The following CALN1 variants were observed in gnomAD, a reference collection of about 807,000 sequenced individuals.
CALN1 encodes the protein calcium-binding protein 8.
CALN1 carries 17 observed loss-of-function variants against 30.6 expected under a neutral mutation model. That is an observed-to-expected ratio of 0.56 (90% CI 0.38 to 0.83). The LOEUF (loss-of-function observed/expected upper bound fraction) is 0.83, where lower values mean the gene tolerates loss of function less well. Ranked by LOEUF, CALN1 falls within the 40% of genes least tolerant of loss-of-function variation. The pLI, the probability that CALN1 is intolerant of heterozygous loss-of-function variation, is 0.00. For synonymous variants in CALN1, 156 were observed against 131.4 expected, an observed-to-expected ratio of 1.19 and a Z score of -1.28; for missense variants, 291 against 354.9, an observed-to-expected ratio of 0.82 and a Z score of 1.45.
At chr7:71,868,620 C>T (rs1161944759) in intron 5 of CALN1, among the ~76,000 whole-genome samples, 9 of 151,984 alleles carry the variant, frequency 5.9e-5, no homozygotes, top group African/African-American at 1.7e-4. Context: ...TATCCATCTG[C>T]CTCAGCCTCC....
intron 3 of CALN1, among the ~76,000 whole-genome samples, chr7:72,180,145 G>A (rs1437272552): frequency 5.3e-5 from 8 of 150,710 alleles, no homozygotes; most frequent in African/African-American, 1.7e-4. Flanking sequence ...AGAAGCCCAC[G>A]GGGTATCATT....
At chr7:72,210,745 C>T (rs955822866) in intron 3 of CALN1, among the ~76,000 whole-genome samples, 2 of 151,956 alleles carry the variant, frequency 1.3e-5, no homozygotes, top group Non-Finnish European at 1.5e-5. Flanking sequence ...TCCCTTGACA[C>T]GTCATGATTA....
chr7:72,435,175 C>T (rs1173556347), intron 1 of CALN1, among the ~76,000 whole-genome samples: 1 of 149,764 alleles, frequency 6.7e-6, no homozygotes, highest in East Asian at 2.0e-4. Context: ...TTCGAGGCTG[C>T]AGTGAGCCAT....
At chr7:72,183,220 C>T (rs796247586) in intron 3 of CALN1, among the ~76,000 whole-genome samples, 6 of 152,222 alleles carry the variant, frequency 3.9e-5, no homozygotes, top group South Asian at 4.2e-4. Flanking sequence ...TGCGCCACCA[C>T]GCCCAGCTAA....
intron 4 of CALN1, among the ~76,000 whole-genome samples, chr7:72,070,038 C>G (rs1460066739): frequency 2.0e-5 from 3 of 152,194 alleles, no homozygotes; most frequent in Admixed American, 1.3e-4. Flanking sequence ...CAGAGCCTGA[C>G]AGTCTCCAGG....
intron 5 of CALN1, among the ~76,000 whole-genome samples, chr7:71,977,712 A>T (rs917879583): frequency 3.3e-5 from 5 of 152,036 alleles, no homozygotes; most frequent in African/African-American, 4.8e-5. Context: ...CCAGTGGATC[A>T]CCTGAGGTCA....
intron 4 of CALN1, among the ~76,000 whole-genome samples, chr7:72,073,860 AT>A (rs1361354372): frequency 1.3e-5 from 2 of 152,038 alleles, no homozygotes; most frequent in Non-Finnish European, 2.9e-5. Context: ...TGACTGGCTA[AT>A]TTTTTAATTG....
chr7:72,140,121 A>G (rs973328616), intron 3 of CALN1, among the ~76,000 whole-genome samples: 3 of 151,922 alleles, frequency 2.0e-5, no homozygotes, highest in African/African-American at 7.3e-5. Flanking sequence ...AAATTTAAAA[A>G]TTAGCTGGGA....
intron 3 of CALN1, among the ~76,000 whole-genome samples, chr7:72,220,748 G>A (rs561553823): frequency 6.6e-6 from 1 of 152,148 alleles, no homozygotes; most frequent in African/African-American, 2.4e-5. Context: ...ACTGGTGTGA[G>A]ATGGCATCTC....
At chr7:72,076,952 C>T (rs1804789758) in intron 4 of CALN1, among the ~76,000 whole-genome samples, 1 of 151,958 alleles carries the variant, frequency 6.6e-6, no homozygotes, top group Non-Finnish European at 1.5e-5. Flanking sequence ...GAGACAGAGT[C>T]TTGCTCTGTC....
intron 2 of CALN1, among the ~76,000 whole-genome samples, chr7:72,382,159 C>T (rs1804941995): frequency 6.6e-6 from 1 of 152,178 alleles, no homozygotes; most frequent in Non-Finnish European, 1.5e-5. Flanking sequence ...GGAGTCAAGT[C>T]CTTCAGCTGA....
chr7:72,443,422 C>T (rs1441491375), intron 1 of CALN1, among the ~76,000 whole-genome samples: 1 of 152,170 alleles, frequency 6.6e-6, no homozygotes, highest in Non-Finnish European at 1.5e-5. Context: ...GCCTTTCACG[C>T]ACCCCGGGTC....
chr7:72,216,863 T>C (rs1792852810), intron 3 of CALN1, among the ~76,000 whole-genome samples: 1 of 152,148 alleles, frequency 6.6e-6, no homozygotes. Flanking sequence ...GTGATCCTCC[T>C]GCCTCAGCCT....
intron 4 of CALN1, among the ~76,000 whole-genome samples, chr7:72,032,052 CT>C (rs1184047697): frequency 6.9e-4 from 46 of 66,568 alleles, no homozygotes; most frequent in Middle Eastern, 0.022. Flanking sequence ...TGGCTCCTGG[CT>C]TTTTTTTTTT....
intron 4 of CALN1, among the ~76,000 whole-genome samples, chr7:72,091,337 A>C (rs567121375): frequency 6.6e-6 from 1 of 152,174 alleles, no homozygotes; most frequent in East Asian, 1.9e-4. Context: ...TCTCAAACAG[A>C]CAAACAAACA....
intron 5 of CALN1, among the ~76,000 whole-genome samples, chr7:71,953,823 C>T (rs945783502): frequency 6.6e-6 from 1 of 151,836 alleles, no homozygotes; most frequent in African/African-American, 2.4e-5. Flanking sequence ...GATGTTTCTA[C>T]AGGGGAACAT....
At chr7:72,014,033 G>A (rs1307299497) in intron 5 of CALN1, among the ~76,000 whole-genome samples, 1 of 147,686 alleles carries the variant, frequency 6.8e-6, no homozygotes, top group Non-Finnish European at 1.5e-5. Context: ...CAAAGAAATT[G>A]TAAATACATT....
intron 3 of CALN1, among the ~76,000 whole-genome samples, chr7:72,222,376 G>A (rs1343577918): frequency 1.3e-5 from 2 of 152,212 alleles, no homozygotes; most frequent in African/African-American, 4.8e-5. Flanking sequence ...GAAGGCAAGG[G>A]GGAAAGCTGG....
chr7:72,327,304 G>A (rs1293205561), intron 2 of CALN1, among the ~76,000 whole-genome samples: 4 of 152,164 alleles, frequency 2.6e-5, no homozygotes, highest in Admixed American at 2.0e-4. Flanking sequence ...CACCAGCCTG[G>A]CCAGTATGGT....
Sources: allele counts gnomAD v4.1 joint callset (sites outside exome capture counted in the v4.1 genomes callset), GRCh38; gene constraint gnomAD v4.1.1; transcripts MANE v1.5; gene names NCBI Gene and HGNC (gene_info 2026-07-23, HGNC 2026-07-21).